Variants in PDZD2 observed in about 807,000 individuals in gnomAD.
PDZD2 encodes PDZ domain-containing protein 2.
PDZD2 carries 90 observed loss-of-function variants against 220.7 expected under a neutral mutation model. The observed-to-expected ratio is 0.41, with a 90% CI of 0.34 to 0.49. PDZD2 has a LOEUF of 0.49. PDZD2 is among the 20% of genes least tolerant of loss of function. The pLI, the probability that PDZD2 is intolerant of heterozygous loss-of-function variation, is 0.28. For synonymous variants in PDZD2, 1,375 were observed against 1,450.5 expected, an observed-to-expected ratio of 0.95 and a Z score of 1.18; for missense variants, 3,174 against 3,608.5, an observed-to-expected ratio of 0.88 and a Z score of 3.08.
chr5:32,037,127 T>A, intron 6 of PDZD2, 104 bp from the exon 7 acceptor site: 1 of 704,476 alleles, frequency 1.4e-6, no homozygotes, highest in Non-Finnish European at 2.5e-6. Flanking sequence ...ACATAACACC[T>A]GTATTGCTGC....
At position 31,712,479 on chromosome 5, in the gene PDZD2, T is replaced by C. The variant is rs1432666557; in HGVS notation, c.-361+73042T>C. Among the ~76,000 whole-genome samples the C allele has an allele frequency of 3.8e-4, 23 of 60,334 alleles. 1 individual carries two copies. The highest frequency in any genetic ancestry group is 8.0e-4 in the African/African-American group (18 of 22,558). 39.6% of individuals were successfully genotyped at this position (60,334 alleles called of 152,430 possible). On this transcript the variant is annotated intron_variant, in intron 1 of 24. Transcript: ENST00000438447. ...CTCTCTCTCTCTCTCTCTCTCTCTC[T>C]CTCCCCCTCTCTCCCTCTCCCTATA...
At chr5:31,857,724 C>G (rs913443244) in intron 2 of PDZD2, among the ~76,000 whole-genome samples, 1 of 152,174 alleles carries the variant, frequency 6.6e-6, no homozygotes, top group African/African-American at 2.4e-5. Flanking sequence ...CTTTTCCCAT[C>G]CATTTTACTA....
intron 2 of PDZD2, chr5:31,847,788 C>A: frequency 1.7e-6 from 1 of 577,648 alleles, no homozygotes. Flanking sequence ...CTATCCCTTG[C>A]AGTACCAGAC....
intron 2 of PDZD2, among the ~76,000 whole-genome samples, chr5:31,910,386 A>G (rs1743069974): frequency 1.4e-5 from 2 of 143,456 alleles, no homozygotes; most frequent in Admixed American, 7.4e-5. Flanking sequence ...ATGCCTGGCT[A>G]ATTTTTATTT....
At chr5:31,827,415 G>A (rs2150263702) in intron 2 of PDZD2, among the ~76,000 whole-genome samples, 1 of 152,262 alleles carries the variant, frequency 6.6e-6, no homozygotes, top group Admixed American at 6.5e-5. Flanking sequence ...TCCTGAGGCT[G>A]GGTGTGGTGG....
At chr5:31,821,717 G>A (rs567752753) in intron 2 of PDZD2, among the ~76,000 whole-genome samples, 35 of 152,120 alleles carry the variant, frequency 2.3e-4, no homozygotes, top group African/African-American at 8.4e-4. Context: ...CTGGGATATG[G>A]GTGCAGAATG....
rs67969355 is a variant in PDZD2, at chr5:31,881,326, ATGTGTGTGTGTGTGTG to A, written c.476+81630_476+81645del. ...CTTGTCTCATCCCATTTCCATATAT[ATGTGTGTGTGTGTGTG>A]TGTGTGTGTGTGTGTGTGTGTGTGT... On this transcript the variant is annotated intron_variant, in intron 2 of 24. Coordinates refer to ENST00000438447, the MANE Select transcript of PDZD2 (RefSeq NM_178140.4). 3.2e-3 allele frequency among the ~76,000 whole-genome samples: 398 copies of A among 123,252 alleles called. 1 individual carries two copies. The highest frequency in any genetic ancestry group is 5.6e-3 in the African/African-American group (182 of 32,314). The allele number at this position is 123,252 out of a possible 152,430, so 80.9% of individuals were successfully genotyped here.
At position 31,752,068 on chromosome 5, in the gene PDZD2, G is replaced by GTTTTTT. The variant is rs1251840861; in HGVS notation, c.-360-46821_-360-46820insTTTTTT. The stretch of plus-strand genomic sequence containing the variant: ...TTTGTTTGTTTGTTTTATTGTTTTG[G>GTTTTTT]GTTTGTTTTTTTTTTTTTTTTTCTG... On this transcript the variant is annotated intron_variant, in intron 1 of 24. Coordinates refer to ENST00000438447, the MANE Select transcript of PDZD2 (RefSeq NM_178140.4). Among the ~76,000 whole-genome samples, 458 of 95,872 alleles carry GTTTTTT rather than the reference G, an allele frequency of 4.8e-3. 106 individuals carry two copies. The highest frequency in any genetic ancestry group is 9.9e-3 in the African/African-American group (218 of 22,040). The allele number at this position is 95,872 out of a possible 152,430, so 62.9% of individuals were successfully genotyped here. A position where few individuals can be genotyped will look rare whatever the true frequency, so the allele number is the denominator to read the frequency against.
chr5:31,877,210 T>G (rs1445000825), intron 2 of PDZD2, among the ~76,000 whole-genome samples: 1 of 151,872 alleles, frequency 6.6e-6, no homozygotes, highest in Non-Finnish European at 1.5e-5. Flanking sequence ...AAGTTGTTTT[T>G]TTGTTTGTTT....
chr5:32,095,610 A>G (rs1055005449), intron 21 of PDZD2, among the ~76,000 whole-genome samples: 1 of 152,014 alleles, frequency 6.6e-6, no homozygotes, highest in African/African-American at 2.4e-5. Flanking sequence ...ATTTGGCGCA[A>G]TAGTCAGCTT....
intron 2 of PDZD2, among the ~76,000 whole-genome samples, chr5:31,859,661 G>C (rs1737500689): frequency 6.6e-6 from 1 of 151,856 alleles, no homozygotes; most frequent in African/African-American, 2.4e-5. Context: ...GTTTGCTTTT[G>C]GTTTTTAATC....
chr5:31,778,039 A>G (rs1276826415), intron 1 of PDZD2, among the ~76,000 whole-genome samples: 2 of 152,004 alleles, frequency 1.3e-5, no homozygotes, highest in African/African-American at 4.8e-5. Flanking sequence ...AAACGCACCA[A>G]TCAGCATTCT....
chr5:32,020,997 G>A (rs193240036), intron 6 of PDZD2, among the ~76,000 whole-genome samples: 6,534 of 151,772 alleles, frequency 0.043, 457 homozygotes, highest in African/African-American at 0.15. Flanking sequence ...TGGGCATTGG[G>A]TGCCGGGGGG....
At chr5:31,903,146 T>A (rs1742257250) in intron 2 of PDZD2, among the ~76,000 whole-genome samples, 1 of 151,688 alleles carries the variant, frequency 6.6e-6, no homozygotes, top group Non-Finnish European at 1.5e-5. Context: ...TACAAAAAAT[T>A]AGCCGGGCGT....
rs548277073 is a variant in PDZD2, at chr5:32,109,942, G to A, written c.*1807G>A. 2.3e-4 allele frequency: 35 copies of A among 152,760 alleles called. No individual in the cohort carries two copies. Among genetic ancestry groups the A allele is most frequent in the Admixed American group, 2.1e-3 (32 of 15,296 alleles). The allele number at this position is 152,760 out of a possible 1,614,324, so 9.5% of individuals were successfully genotyped here. ...CAATACAAAGGAAAATATGGTACAGGAGTTAGTTAGAAAGGTCTTATTGAT... is the reference window on the plus strand; with the variant it reads ...CAATACAAAGGAAAATATGGTACAGAAGTTAGTTAGAAAGGTCTTATTGAT... On this transcript the variant is annotated 3_prime_UTR_variant, in exon 25 of 25. Transcript: ENST00000438447.
intron 1 of PDZD2, among the ~76,000 whole-genome samples, chr5:31,721,036 C>T (rs112493835): frequency 5.9e-5 from 9 of 152,148 alleles, no homozygotes; most frequent in East Asian, 1.9e-4. Context: ...GGTTGGAGTG[C>T]GCTGCTTCCT....
Position 32,089,773 on chromosome 5 carries a change from C to A in PDZD2, c.6325C>A (p.Pro2109Thr). The change falls in exon 20 of 25, where the codon CCA (proline) becomes ACA (threonine). Residue 2109 changes from proline to threonine, a missense_variant. Pro to Thr is a conservative substitution (Grantham distance 38, BLOSUM62 -1). Around this residue, in one of 4 missense-constraint regions of PDZD2, gnomAD observed 1,861 missense variants for 2,001.0 expected, o/e 0.93. Transcript: ENST00000438447. ...AVSETVCGNK[P>T]AESDRRGGCL... ...GTCAGAGACTGTATGTGGTAACAAG[C>A]CAGCTGAAAGCGACAGACGGGGAGG... The A allele has an allele frequency of 6.2e-7, 1 of 1,614,172 alleles. No homozygotes were observed. Among genetic ancestry groups the A allele is most frequent in the South Asian group, 1.1e-5 (1 of 91,092 alleles).
intron 2 of PDZD2, among the ~76,000 whole-genome samples, chr5:31,852,187 T>C (rs1204306984): frequency 6.6e-6 from 1 of 152,178 alleles, no homozygotes; most frequent in African/African-American, 2.4e-5. Flanking sequence ...AGCACTTACG[T>C]GCCCCAGACT....
At chr5:32,071,283 G>T in intron 15 of PDZD2, 101 bp from the exon 16 acceptor site, 1 of 863,620 alleles carries the variant, frequency 1.2e-6, no homozygotes, top group Non-Finnish European at 2.0e-6. Flanking sequence ...AGGGAGTTTT[G>T]TTTACTGTGT....
Sources: allele counts gnomAD v4.1 joint callset (sites outside exome capture counted in the v4.1 genomes callset), GRCh38; gene constraint gnomAD v4.1.1; regional missense constraint gnomAD v4.1.1; transcripts MANE v1.5; gene names NCBI Gene and HGNC (gene_info 2026-07-23, HGNC 2026-07-21).